RP1: variants seen among roughly 807,000 people sequenced by gnomAD.
The protein encoded by RP1 is oxygen-regulated protein 1.
A neutral mutation model predicts 14.8 loss-of-function variants in RP1; 16 were observed. The ratio of observed to expected loss-of-function variants is 1.08; its 90% CI spans 0.73 to 1.65. The LOEUF (loss-of-function observed/expected upper bound fraction) is 1.65, where lower values mean the gene tolerates loss of function less well. RP1 is among the 40% of genes most tolerant of loss of function. The probability of loss-of-function intolerance (pLI) is 0.00; values close to 1 mark genes in which losing one functional copy is unlikely to be tolerated. For missense variants in RP1, 2,631 were observed against 2,535.0 expected (o/e 1.04, Z -0.81); for synonymous variants, 876 against 883.6 (o/e 0.99, Z 0.15).
chr8:54,834,020 T>A (rs906711373), intron 24 of RP1, among the ~76,000 whole-genome samples: 2 of 152,036 alleles, frequency 1.3e-5, no homozygotes, highest in African/African-American at 4.8e-5. Flanking sequence ...AAATTTTGTG[T>A]AAATACTAAG....
exon 16 of RP1, chr8:54,720,279 G>A: frequency 6.5e-7 from 1 of 1,535,378 alleles, no homozygotes; most frequent in Non-Finnish European, 8.7e-7. Context: ...GGATGAGAAT[G>A]TTTGCTTCTA....
chr8:54,755,590 C>T, intron 20 of RP1: 1 of 1,535,048 alleles, frequency 6.5e-7, no homozygotes. Flanking sequence ...TGTATTTCCT[C>T]TTATTTTCTC....
chr8:54,587,372 GC>G (rs1804955467), intron 1 of RP1, among the ~76,000 whole-genome samples: 1 of 150,534 alleles, frequency 6.6e-6, no homozygotes, highest in Admixed American at 6.6e-5. Flanking sequence ...GTTGTAGTGA[GC>G]CGAGATTGTG....
chr8:54,840,330 G>A (rs1333233214), intron 25 of RP1, among the ~76,000 whole-genome samples: 1 of 151,756 alleles, frequency 6.6e-6, no homozygotes, highest in Non-Finnish European at 1.5e-5. Context: ...TCGGCTCACT[G>A]CAACATCTGC....
intron 27 of RP1, among the ~76,000 whole-genome samples, chr8:54,862,012 G>T (rs767091657): frequency 6.6e-6 from 1 of 152,128 alleles, no homozygotes; most frequent in African/African-American, 2.4e-5. Flanking sequence ...AGGCTGTTTT[G>T]GTTGTCACAG....
chr8:54,753,325 G>A (rs1028348889), intron 19 of RP1, among the ~76,000 whole-genome samples: 5 of 152,218 alleles, frequency 3.3e-5, no homozygotes, highest in African/African-American at 1.2e-4. Flanking sequence ...GGACAGCCTT[G>A]TGAAAGCTTG....
intron 24 of RP1, among the ~76,000 whole-genome samples, chr8:54,785,006 C>T (rs1446512758): frequency 6.6e-6 from 1 of 151,906 alleles, no homozygotes. Context: ...CCAATACATA[C>T]ATATATTGTA....
chr8:54,601,335 C>T (rs1377546579), intron 1 of RP1, among the ~76,000 whole-genome samples: 1 of 150,436 alleles, frequency 6.6e-6, no homozygotes, highest in African/African-American at 2.5e-5. Flanking sequence ...AAAAACCAAA[C>T]ACCGCATATT....
At chr8:54,662,730 C>A (rs754009741) in intron 6 of RP1, among the ~76,000 whole-genome samples, 2 of 151,976 alleles carry the variant, frequency 1.3e-5, no homozygotes, top group African/African-American at 4.8e-5. Context: ...TGGGGGACTG[C>A]GGAGGAGGAA....
At chr8:54,863,760 A>T (rs951713186) in intron 27 of RP1, among the ~76,000 whole-genome samples, 1 of 152,228 alleles carries the variant, frequency 6.6e-6, no homozygotes, top group Non-Finnish European at 1.5e-5. Context: ...TTCAGCTACC[A>T]TGCTGTAGTA....
chr8:54,626,232 A>C lies in RP1; in HGVS notation c.2350A>C (p.Lys784Gln), dbSNP rs758046790. 6 of 1,611,814 alleles carry C rather than the reference A, an allele frequency of 3.7e-6. No homozygotes were observed. Among genetic ancestry groups the C allele is most frequent in the Non-Finnish European group, 5.1e-6 (6 of 1,179,342 alleles). ...LTKRKSRSLN[K>Q]ISLGAPKKRE... The stretch of plus-strand genomic sequence containing the variant: ...CAAAAGAAAATCTAGATCACTAAAT[A>C]AAATAAGCTTAGGAGCACCTAAAAA... Residue 784 changes from lysine to glutamine, a missense_variant, in exon 4 of 4, where the codon AAA becomes CAA. By Grantham distance (53) the Lys-to-Gln change is moderately conservative. Transcript: ENST00000220676.
intron 24 of RP1, among the ~76,000 whole-genome samples, chr8:54,836,904 A>G (rs1035802924): frequency 6.6e-6 from 1 of 152,200 alleles, no homozygotes; most frequent in African/African-American, 2.4e-5. Context: ...AAAGAAAAAT[A>G]TTGCTTATTC....
exon 25 of RP1, chr8:54,837,490 T>C (rs1811687621): frequency 3.2e-6 from 4 of 1,231,648 alleles, no homozygotes; most frequent in Non-Finnish European, 4.1e-6. Flanking sequence ...AAAATACGTA[T>C]TGGACATGAC....
Position 54,733,845 on chromosome 8 carries a change from T to A in RP1, c.2522-700T>A, listed in dbSNP as rs1808849916. Among the ~76,000 whole-genome samples the A allele has an allele frequency of 2.6e-5, 4 of 152,240 alleles. No individual in the cohort carries two copies. The South Asian group carries it at 8.3e-4, about 32-fold the overall frequency. On this transcript the variant is annotated intron_variant, in intron 17 of 22. Transcript: ENST00000636932. ...ATGAGACCACAGGCGAAAGGGAGTGTGAAGAAGACAGCCATTCTAGCTTGG... is the reference window on the plus strand; with the variant it reads ...ATGAGACCACAGGCGAAAGGGAGTGAGAAGAAGACAGCCATTCTAGCTTGG...
rs867960559 is a variant in RP1 at position 54,582,321 on chromosome 8, G to C, written c.-13+23001G>C. On this transcript the variant is annotated intron_variant, in intron 1 of 22. Coordinates refer to the RP1 transcript ENST00000636932. ...AAAGATCAGATGGTTGTAGATATGC[G>C]GCATTATTTCTGAGGGCTCTGTTCT... Among the ~76,000 whole-genome samples, 52 of 152,050 alleles carry C rather than the reference G, an allele frequency of 3.4e-4. 1 individual carries two copies. Among genetic ancestry groups the C allele is most frequent in the South Asian group, 2.3e-3 (11 of 4,796 alleles).
intron 1 of RP1, among the ~76,000 whole-genome samples, chr8:54,604,519 C>T (rs541587264): frequency 6.6e-6 from 1 of 152,224 alleles, no homozygotes; most frequent in African/African-American, 2.4e-5. Flanking sequence ...TGTGTCTCTG[C>T]CAGGCTTTGG....
At chr8:54,842,153 G>T (rs1467461815) in intron 25 of RP1, among the ~76,000 whole-genome samples, 2 of 152,158 alleles carry the variant, frequency 1.3e-5, no homozygotes, top group African/African-American at 4.8e-5. Flanking sequence ...GTCAATATGT[G>T]AGGGGAAAAC....
chr8:54,848,849 A>C, intron 25 of RP1, among the ~76,000 whole-genome samples: 1 of 152,076 alleles, frequency 6.6e-6, no homozygotes, highest in Non-Finnish European at 1.5e-5. Flanking sequence ...CCTGGGTTCA[A>C]GCTATTCTCC....
rs144309486 is a variant in RP1, at chr8:54,625,450, A to G, written c.1568A>G (p.Asn523Ser). 8.2e-5 allele frequency: 132 copies of G among 1,613,974 alleles called. No individual in the cohort carries two copies. In the African/African-American group the frequency reaches 1.7e-3, roughly 20 times the overall value. ...CCAGTACTTGTTCAGATCAATAACAATGATCAAATGGAGGAGTCATCATTA... is the reference window on the plus strand; with the variant it reads ...CCAGTACTTGTTCAGATCAATAACAGTGATCAAATGGAGGAGTCATCATTA... ...NKPVLVQINN[N>S]DQMEESSLER... The change falls in exon 4 of 4, where the codon AAT becomes AGT. Residue 523 changes from asparagine (N) to serine (S), a missense_variant. By Grantham distance (46) the Asn-to-Ser change is conservative (BLOSUM62 1). Coordinates refer to ENST00000220676, the MANE Select transcript of RP1 (RefSeq NM_006269.2).
Sources: gnomAD v4.1 joint callset for allele counts (sites outside exome capture counted in the v4.1 genomes callset) on GRCh38, gnomAD v4.1.1 for gene constraint, MANE v1.5 for transcripts, NCBI Gene and HGNC (gene_info 2026-07-23, HGNC 2026-07-21) for gene names.